The following KIF13A variants were observed in gnomAD, a reference collection of about 807,000 sequenced individuals.
The protein encoded by KIF13A is kinesin family member 13A.
KIF13A carries 79 observed loss-of-function variants against 212.2 expected under a neutral mutation model. That is an observed-to-expected ratio of 0.37 (90% confidence interval 0.31 to 0.45). The LOEUF (loss-of-function observed/expected upper bound fraction) is 0.45. KIF13A is among the 20% of genes least tolerant of loss of function. The pLI, the probability that KIF13A is intolerant of heterozygous loss-of-function variation, is 1.00. For synonymous variants in KIF13A, 789 were observed against 808.6 expected (o/e 0.98, Z 0.41); for missense variants, 1,901 against 2,209.0 (o/e 0.86, Z 2.79).
At chr6:17,865,880 G>A (rs767237583) in intron 4 of KIF13A, among the ~76,000 whole-genome samples, 4 of 152,164 alleles carry the variant, frequency 2.6e-5, no homozygotes, top group Admixed American at 6.5e-5. Context: ...AGCATGGCAC[G>A]GCTGACTCAT....
intron 23 of KIF13A, among the ~76,000 whole-genome samples, chr6:17,795,866 G>A (rs933762385): frequency 1.4e-4 from 22 of 152,146 alleles, no homozygotes; most frequent in Admixed American, 1.4e-3. Flanking sequence ...CTGAGAATAT[G>A]TGACTATCTC....
chr6:17,822,034 A>G, intron 16 of KIF13A: 1 of 955,246 alleles, frequency 1.0e-6, no homozygotes, highest in Non-Finnish European at 1.5e-6. Context: ...GTAGGGGGAA[A>G]CATAACTTCT....
chr6:17,889,819 C>T (rs1771881238), intron 3 of KIF13A, among the ~76,000 whole-genome samples: 1 of 152,070 alleles, frequency 6.6e-6, no homozygotes, highest in Admixed American at 6.6e-5. Flanking sequence ...CATCAGTCTC[C>T]TTGGTCTTGA....
At chr6:17,936,562 G>A (rs1776484338) in intron 2 of KIF13A, among the ~76,000 whole-genome samples, 1 of 152,178 alleles carries the variant, frequency 6.6e-6, no homozygotes, top group East Asian at 1.9e-4. Flanking sequence ...AGAAAATGGA[G>A]GCAGAGAGAG....
At position 17,764,483 on chromosome 6, in the gene KIF13A, G is replaced by C. The variant is rs567547421; in HGVS notation, c.5045C>G (p.Ser1682Cys). The C allele has an allele frequency of 3.1e-6, 5 of 1,614,012 alleles. No homozygotes were observed. The East Asian group carries it at 1.1e-4, about 36-fold the overall frequency. ...NSALAKGSPS[S>C]QSIPEKNSKS... ...GGAGTTTTTCTCAGGGATGCTCTGG[G>C]ATGATGGGCTCCCTTTGGCTAAGGC... The change falls in exon 39 of 39, where the codon TCC becomes TGC. Residue 1682 changes from serine (S) to cysteine (C), a missense_variant. Coordinates refer to ENST00000259711, the MANE Select transcript of KIF13A (RefSeq NM_022113.6). The surrounding 1 kb of genome is among the most constrained non-coding windows in gnomAD (Gnocchi z 5.1).
In KIF13A at chr6:17,775,071, G is replaced by A. The variant is rs995878185; in HGVS notation, c.4171-9C>T. The A allele has an allele frequency of 9.9e-6, 16 of 1,608,398 alleles. No individual in the cohort carries two copies. The Admixed American group carries it at 1.3e-4, about 14-fold the overall frequency. ...GGTCGGCTGGAAGAGACCTATAAGA[G>A]AAGAATGGTTTTAGCAATGTGGTTT... On this transcript the variant is annotated splice_polypyrimidine_tract_variant and intron_variant, in intron 34 of 38. Coordinates refer to ENST00000259711, the MANE Select transcript of KIF13A (RefSeq NM_022113.6).
At position 17,799,449 on chromosome 6, in the gene KIF13A, T is replaced by G. The variant is rs978539339; in HGVS notation, c.2617-10A>C. The G allele has an allele frequency of 6.6e-7, 1 of 1,512,880 alleles. No individual in the cohort carries two copies. The allele number at this position is 1,512,880 out of a possible 1,614,324, so 93.7% of individuals were successfully genotyped here. ...CTTCTTTAATTTTTACCTGAAGAGA[T>G]AAACAATACAAATAAAACTCCAATG... On this transcript the variant is annotated splice_polypyrimidine_tract_variant and intron_variant, in intron 21 of 38. Transcript: ENST00000259711. The surrounding 1 kb of genome is among the most constrained non-coding windows in gnomAD (Gnocchi z 4.4).
In KIF13A at chr6:17,892,078, A is replaced by C. The variant is rs531269679; in HGVS notation, c.159+6090T>G. Among the ~76,000 whole-genome samples the C allele has an allele frequency of 1.8e-4, 28 of 152,312 alleles. 1 individual carries two copies. In the South Asian group the frequency reaches 5.2e-3, roughly 28 times the overall value. On this transcript the variant is annotated intron_variant, in intron 3 of 38. Coordinates refer to ENST00000259711, the MANE Select transcript of KIF13A (RefSeq NM_022113.6). This position sits in a 1 kb window ranked among gnomAD's most constrained non-coding sequence, Gnocchi z 4.7. ...CGTATCACCTGCTAAGCATCCTATCAGATGGCTGCCATCACTTCCAACTCA... is the reference window on the plus strand; with the variant it reads ...CGTATCACCTGCTAAGCATCCTATCCGATGGCTGCCATCACTTCCAACTCA...
At position 17,813,625 on chromosome 6, in the gene KIF13A, G is replaced by A. The variant is rs116476891; in HGVS notation, c.2000+3395C>T. The stretch of plus-strand genomic sequence containing the variant: ...ACATTAACAAGTGCGTGACTGTTGC[G>A]AGCCTTGCGCTGCAGGGCAGGGTTC... On this transcript the variant is annotated intron_variant, in intron 17 of 38. Coordinates refer to ENST00000259711, the MANE Select transcript of KIF13A (RefSeq NM_022113.6). 8.2e-3 allele frequency among the ~76,000 whole-genome samples: 1,246 copies of A among 152,196 alleles called. 22 individuals are homozygous for A. The highest frequency in any genetic ancestry group is 0.029 in the African/African-American group (1,199 of 41,518).
intron 4 of KIF13A, among the ~76,000 whole-genome samples, chr6:17,870,209 C>T (rs1322328798): frequency 2.0e-5 from 3 of 152,118 alleles, no homozygotes; most frequent in Non-Finnish European, 4.4e-5. Flanking sequence ...AAAATATCCT[C>T]CCAAATTTTT....
At chr6:17,957,924 C>G (rs1778486791) in intron 2 of KIF13A, among the ~76,000 whole-genome samples, 1 of 152,134 alleles carries the variant, frequency 6.6e-6, no homozygotes, top group Non-Finnish European at 1.5e-5. Flanking sequence ...ATGACAATGA[C>G]TTCACATACT....
Position 17,826,089 on chromosome 6 carries a change from G to T in KIF13A, c.1568C>A (p.Thr523Asn). The T allele has an allele frequency of 6.2e-7, 1 of 1,614,016 alleles. No individual in the cohort carries two copies. ...CVNGTLVCST[T>N]QLWHGDRILW... The stretch of plus-strand genomic sequence containing the variant: ...GATTCGGTCACCATGCCACAGCTGG[G>T]TGGTACTGCACACAAGGGTGCCGTT... The change falls in exon 15 of 39, where the codon ACC becomes AAC. Residue 523 changes from threonine to asparagine, a missense_variant. This residue lies in a region of KIF13A where 506 missense variants were observed against 637.4 expected (regional missense o/e 0.79). Transcript: ENST00000259711. This position sits in a 1 kb window ranked among gnomAD's most constrained non-coding sequence, Gnocchi z 4.7.
At chr6:17,851,069 G>C (rs746151877) in intron 7 of KIF13A, among the ~76,000 whole-genome samples, 5 of 152,214 alleles carry the variant, frequency 3.3e-5, no homozygotes, top group Non-Finnish European at 5.9e-5. Context: ...CTACTAGTAA[G>C]TGACAGGATA....
At chr6:17,827,221 A>C (rs1466555822) in intron 14 of KIF13A, among the ~76,000 whole-genome samples, 2 of 152,064 alleles carry the variant, frequency 1.3e-5, no homozygotes, top group Non-Finnish European at 2.9e-5. Flanking sequence ...CAGCCTCCCG[A>C]GTAGCAGAGA....
At position 17,861,223 on chromosome 6, in the gene KIF13A, AT is replaced by A. The variant is rs1369748743; in HGVS notation, c.221-5102del. On this transcript the variant is annotated intron_variant, in intron 4 of 38. Transcript: ENST00000259711. The stretch of plus-strand genomic sequence containing the variant: ...TGAAAAAATTTTTCATTCTCCATGT[AT>A]TTTTACAAATTTACACAAGATTGGA... 7.2e-5 allele frequency among the ~76,000 whole-genome samples: 11 copies of A among 152,310 alleles called. No individual in the cohort carries two copies. In the East Asian group the frequency reaches 1.7e-3, roughly 24 times the overall value.
chr6:17,934,864 T>C lies in KIF13A; in HGVS notation c.147-36684A>G, dbSNP rs957378087. ...AATATGGCCACCATCTAATGTAAAA[T>C]GTGACTCAATTTTCACTAGTAATAA... On this transcript the variant is annotated intron_variant, in intron 2 of 38. Coordinates refer to ENST00000259711, the MANE Select transcript of KIF13A (RefSeq NM_022113.6). This position sits in a 1 kb window ranked among gnomAD's most constrained non-coding sequence, Gnocchi z 5.4. 6.6e-6 allele frequency among the ~76,000 whole-genome samples: 1 copy of C among 151,758 alleles called. No homozygotes were observed. The highest frequency in any genetic ancestry group is 2.4e-5 in the African/African-American group (1 of 41,314).
intron 2 of KIF13A, among the ~76,000 whole-genome samples, chr6:17,922,189 C>T (rs924385594): frequency 6.6e-6 from 1 of 152,150 alleles, no homozygotes; most frequent in Non-Finnish European, 1.5e-5. Flanking sequence ...CAGCTAACAG[C>T]CCCTGCAAAA....
intron 2 of KIF13A, among the ~76,000 whole-genome samples, chr6:17,940,392 G>A (rs749376914): frequency 6.6e-6 from 1 of 152,270 alleles, no homozygotes; most frequent in African/African-American, 2.4e-5. Flanking sequence ...CAAGGGATTC[G>A]AGCATGCAAA....
At chr6:17,802,753 T>G (rs1482755206) in intron 20 of KIF13A, among the ~76,000 whole-genome samples, 1 of 152,018 alleles carries the variant, frequency 6.6e-6, no homozygotes, top group Non-Finnish European at 1.5e-5. Context: ...ACTGTGCTTT[T>G]TCTTTTTGAG....
Sources: allele counts gnomAD v4.1 joint callset (sites outside exome capture counted in the v4.1 genomes callset), GRCh38; gene constraint gnomAD v4.1.1; regional missense constraint gnomAD v4.1.1; non-coding constraint Gnocchi (gnomAD v3.1); transcripts MANE v1.5; gene names NCBI Gene and HGNC (gene_info 2026-07-23, HGNC 2026-07-21).